The following RANBP2 variants were observed in gnomAD, a reference collection of about 807,000 sequenced individuals.
The protein encoded by RANBP2 is E3 SUMO-protein ligase RanBP2.
A neutral mutation model predicts 303.6 loss-of-function variants in RANBP2; 57 were observed. That is an observed-to-expected ratio of 0.19 (90% CI 0.15 to 0.23). The LOEUF is 0.23. Among genes scored for constraint, RANBP2 ranks in the 10% least tolerant of loss-of-function variants. RANBP2 has a pLI of 1.00. For synonymous variants in RANBP2, 1,167 were observed against 1,301.5 expected, an observed-to-expected ratio of 0.90 and a Z score of 2.23; for missense variants, 3,138 against 3,780.8, an observed-to-expected ratio of 0.83 and a Z score of 4.46.
At chr2:109,575,964 G>A in the RANBP2 span, among the ~76,000 whole-genome samples, 9 of 152,238 alleles carry the variant, frequency 5.9e-5, no homozygotes, top group Non-Finnish European at 8.8e-5. Flanking sequence ...TTTTCCACCA[G>A]AACTAGCATA....
chr2:109,442,138 C>G, the RANBP2 span, among the ~76,000 whole-genome samples: 9 of 151,902 alleles, frequency 5.9e-5, no homozygotes, highest in South Asian at 2.1e-4. Context: ...AGTGAAACCC[C>G]GTCTCTACTA....
chr2:108,814,030 A>G, the RANBP2 span, among the ~76,000 whole-genome samples: 3 of 152,330 alleles, frequency 2.0e-5, no homozygotes, highest in South Asian at 2.1e-4. Flanking sequence ...TTTGTCTGCA[A>G]TAAATAAAGC....
At chr2:109,703,241 C>T in the RANBP2 span, among the ~76,000 whole-genome samples, 2 of 152,136 alleles carry the variant, frequency 1.3e-5, no homozygotes, top group Non-Finnish European at 2.9e-5. Flanking sequence ...GAGATTCGCC[C>T]GCTGTTGTTA....
the RANBP2 span, chr2:108,883,076 C>T: frequency 6.6e-6 from 1 of 152,192 alleles, no homozygotes; most frequent in Non-Finnish European, 1.5e-5. Context: ...TTATTTTCCA[C>T]TGTATTTCAT....
At chr2:109,606,144 C>T in the RANBP2 span, among the ~76,000 whole-genome samples, 1 of 152,178 alleles carries the variant, frequency 6.6e-6, no homozygotes, top group Admixed American at 6.5e-5. Context: ...AGGCCGGGTG[C>T]CGTGGCTCAT....
chr2:109,636,525 G>C, the RANBP2 span, among the ~76,000 whole-genome samples: 4 of 152,090 alleles, frequency 2.6e-5, no homozygotes, highest in African/African-American at 4.8e-5. Flanking sequence ...AGACTGTGGA[G>C]CTCTTCCAGA....
At chr2:109,582,317 C>A in the RANBP2 span, among the ~76,000 whole-genome samples, 5 of 152,002 alleles carry the variant, frequency 3.3e-5, no homozygotes, top group African/African-American at 1.2e-4. Flanking sequence ...AACGCTATTG[C>A]TGTTTTTTTG....
chr2:109,366,903 T>A, the RANBP2 span, among the ~76,000 whole-genome samples: 1 of 152,188 alleles, frequency 6.6e-6, no homozygotes, highest in Non-Finnish European at 1.5e-5. Flanking sequence ...GATTGCTTTG[T>A]GGAAGGTAAG....
At chr2:108,748,642 T>C (rs1277131087) in intron 8 of RANBP2, among the ~76,000 whole-genome samples, 3 of 152,184 alleles carry the variant, frequency 2.0e-5, no homozygotes, top group Admixed American at 6.5e-5. Flanking sequence ...AATCCAGACC[T>C]TTTCATCTGA....
chr2:109,581,353 C>G, the RANBP2 span, among the ~76,000 whole-genome samples: 14 of 152,028 alleles, frequency 9.2e-5, no homozygotes, highest in Non-Finnish European at 1.9e-4. Flanking sequence ...TTGAGAATCA[C>G]CTGAACCCAG....
Position 108,764,270 on chromosome 2 carries a change from C to T in RANBP2, c.3731C>T (p.Ala1244Val), listed in dbSNP as rs746144571. 1.2e-6 allele frequency: 2 copies of T among 1,613,914 alleles called. No individual in the cohort carries two copies. The highest frequency in any genetic ancestry group is 1.7e-6 in the Non-Finnish European group (2 of 1,179,968). Reference sequence around the variant, plus strand: ...CGAGAGCAAGTATTGAAAATCTGTGCAAATCATTACATCAGTCCAGATATG... The same window carrying T: ...CGAGAGCAAGTATTGAAAATCTGTGTAAATCATTACATCAGTCCAGATATG... The part of the protein sequence containing the change: ...MRREQVLKIC[A>V]NHYISPDMKL... The change falls in exon 20 of 29, where the codon GCA (alanine) becomes GTA (valine). Residue 1244 changes from alanine (A) to valine (V), a missense_variant. By Grantham distance (64) the Ala-to-Val change is moderately conservative. Around this residue, in one of 20 missense-constraint regions of RANBP2, gnomAD observed 72 missense variants for 119.5 expected, o/e 0.60. Coordinates refer to ENST00000283195, the MANE Select transcript of RANBP2 (RefSeq NM_006267.5).
the RANBP2 span, among the ~76,000 whole-genome samples, chr2:109,170,244 T>A: frequency 3.0e-5 from 1 of 32,966 alleles, no homozygotes; most frequent in Non-Finnish European, 6.4e-5. Context: ...CTTCTTTTCT[T>A]TTCTCTTCTC....
the RANBP2 span, among the ~76,000 whole-genome samples, chr2:109,518,915 C>CTTTTTTTTTTTTTTTTTT: frequency 9.0e-6 from 1 of 110,990 alleles, no homozygotes; most frequent in African/African-American, 3.9e-5. Flanking sequence ...TGCTACATAT[C>CTTTTTTTTTTTTTTTTTT]TTTTTTTTTT....
intron 9 of RANBP2, among the ~76,000 whole-genome samples, chr2:108,750,380 C>T (rs549914633): frequency 6.6e-6 from 1 of 152,288 alleles, no homozygotes; most frequent in African/African-American, 2.4e-5. Flanking sequence ...AACTTTTCCA[C>T]TGTTAATAAT....
Position 108,766,049 on chromosome 2 carries a change from T to C in RANBP2, c.5510T>C (p.Val1837Ala), listed in dbSNP as rs1677093489. The C allele has an allele frequency of 1.9e-6, 3 of 1,614,096 alleles. No homozygotes were observed. Among genetic ancestry groups the C allele is most frequent in the Non-Finnish European group, 1.7e-6 (2 of 1,179,986 alleles). Residue 1837 changes from valine (V) to alanine (A), a missense_variant, in exon 20 of 29, where the codon GTG becomes GCG. Coordinates refer to ENST00000283195, the MANE Select transcript of RANBP2 (RefSeq NM_006267.5). ...TTGCATGACTCTTCTGGAAGTCAGG[T>C]GGGAACAGGATTTAAAAGTAATTTC... ...MKLHDSSGSQ[V>A]GTGFKSNFSE... is the part of the protein sequence containing the mutation.
the RANBP2 span, chr2:108,812,712 A>C: frequency 5.6e-6 from 9 of 1,606,410 alleles, no homozygotes; most frequent in South Asian, 7.7e-5. Flanking sequence ...TTTACAGGTA[A>C]GTTGCCTGTT....
the RANBP2 span, among the ~76,000 whole-genome samples, chr2:109,260,403 C>A: frequency 1.3e-5 from 2 of 152,212 alleles, no homozygotes; most frequent in African/African-American, 4.8e-5. Flanking sequence ...AGCAGGAGAG[C>A]AGGTGCAGTT....
chr2:109,250,399 A>G, the RANBP2 span, among the ~76,000 whole-genome samples: 2 of 152,202 alleles, frequency 1.3e-5, no homozygotes, highest in East Asian at 3.9e-4. Flanking sequence ...AGCTTGTATT[A>G]TATACAACTT....
the RANBP2 span, chr2:109,432,635 G>C: frequency 6.2e-7 from 1 of 1,612,956 alleles, no homozygotes; most frequent in Non-Finnish European, 8.5e-7. Flanking sequence ...GGGGTCTCTG[G>C]GGTGTTCCCC....
Sources: allele counts gnomAD v4.1 joint callset (sites outside exome capture counted in the v4.1 genomes callset), GRCh38; gene constraint gnomAD v4.1.1; regional missense constraint gnomAD v4.1.1; transcripts MANE v1.5; gene names NCBI Gene and HGNC (gene_info 2026-07-23, HGNC 2026-07-21).